HAPSTR1: variants seen among roughly 807,000 people sequenced by gnomAD.
HAPSTR1 encodes the protein HUWE1-associated protein modifying stress responses 1.
At chr16:9,116,637 G>A in the HAPSTR1 span, 2 of 1,600,672 alleles carry the variant, frequency 1.2e-6, no homozygotes, top group Admixed American at 1.7e-5. Flanking sequence ...ACATAATTGA[G>A]CAACTCTAAA....
the HAPSTR1 span, chr16:9,104,085 G>A: frequency 6.6e-6 from 1 of 151,588 alleles, no homozygotes; most frequent in African/African-American, 2.4e-5. Context: ...TAAGCAGGTA[G>A]AAGTAATTAG....
chr16:9,113,418 T>G, the HAPSTR1 span, among the ~76,000 whole-genome samples: 1 of 152,194 alleles, frequency 6.6e-6, no homozygotes, highest in Non-Finnish European at 1.5e-5. Flanking sequence ...CACATCTTCT[T>G]TTTCATGGAG....
chr16:9,092,781 C>T, the HAPSTR1 span: 15 of 913,266 alleles, frequency 1.6e-5, no homozygotes, highest in South Asian at 3.5e-5. Context: ...ATCCCGAAAC[C>T]CCTGAACAAA....
the HAPSTR1 span, chr16:9,110,320 G>A: frequency 6.6e-6 from 1 of 152,128 alleles, no homozygotes; most frequent in African/African-American, 2.4e-5. Context: ...GGGGTATAAG[G>A]TTGGATAGGA....
chr16:9,113,862 A>G, the HAPSTR1 span, among the ~76,000 whole-genome samples: 1 of 152,230 alleles, frequency 6.6e-6, no homozygotes, highest in Non-Finnish European at 1.5e-5. Flanking sequence ...CTTGATGGCA[A>G]TGATTTAAGT....
At chr16:9,111,593 C>A in the HAPSTR1 span, 1 of 152,126 alleles carries the variant, frequency 6.6e-6, no homozygotes, top group Non-Finnish European at 1.5e-5. Flanking sequence ...TTGTCTTGAA[C>A]CTGCGATAAA....
the HAPSTR1 span, among the ~76,000 whole-genome samples, chr16:9,101,639 T>A: frequency 6.6e-6 from 1 of 152,246 alleles, no homozygotes; most frequent in Non-Finnish European, 1.5e-5. Flanking sequence ...TGTCATCTGC[T>A]TAAGAGTAGG....
the HAPSTR1 span, chr16:9,104,177 C>T: frequency 5.4e-5 from 8 of 149,240 alleles, no homozygotes; most frequent in South Asian, 4.2e-4. Flanking sequence ...TGCATTGGCG[C>T]GATATTGGCT....
the HAPSTR1 span, among the ~76,000 whole-genome samples, chr16:9,099,550 A>G: frequency 6.6e-6 from 1 of 152,188 alleles, no homozygotes; most frequent in East Asian, 1.9e-4. Context: ...GGTTAGATTG[A>G]CATTTCAGTG....
At chr16:9,115,601 G>C in the HAPSTR1 span, among the ~76,000 whole-genome samples, 2 of 152,058 alleles carry the variant, frequency 1.3e-5, no homozygotes, top group Admixed American at 6.6e-5. Context: ...ATGAGTGCTG[G>C]GTATATTCTG....
chr16:9,110,553 T>G, the HAPSTR1 span: 10 of 152,222 alleles, frequency 6.6e-5, no homozygotes, highest in African/African-American at 2.4e-4. Context: ...CACATTTTTT[T>G]GAGAACAAAT....
chr16:9,110,875 TAA>T, the HAPSTR1 span: 1 of 152,228 alleles, frequency 6.6e-6, no homozygotes, highest in African/African-American at 2.4e-5. Context: ...CCGTCTCTAC[TAA>T]AAATACAAAA....
chr16:9,117,925 A>G, the HAPSTR1 span: 7 of 152,652 alleles, frequency 4.6e-5, no homozygotes, highest in Non-Finnish European at 1.0e-4. Context: ...ATTGCAACTT[A>G]AAATAGCAAA....
chr16:9,099,133 AT>A, the HAPSTR1 span, among the ~76,000 whole-genome samples: 2 of 87,988 alleles, frequency 2.3e-5, no homozygotes, highest in African/African-American at 8.2e-5. Context: ...ATATAAAAGC[AT>A]TTAAAGAAAA....
At chr16:9,092,070 A>G in the HAPSTR1 span, 1 of 1,534,446 alleles carries the variant, frequency 6.5e-7, no homozygotes, top group Non-Finnish European at 8.8e-7. Context: ...GAGGAGGGCG[A>G]GGCCGAGATC....
the HAPSTR1 span, chr16:9,116,594 A>G: frequency 3.2e-6 from 5 of 1,544,172 alleles, no homozygotes; most frequent in Non-Finnish European, 4.4e-6. Flanking sequence ...TTGTGACAAC[A>G]TGGAAAGTAA....
chr16:9,121,622 T>C, the HAPSTR1 span: 1 of 152,166 alleles, frequency 6.6e-6, no homozygotes, highest in African/African-American at 2.4e-5. Context: ...GAAAAATAAA[T>C]TAAAAAATGT....
the HAPSTR1 span, among the ~76,000 whole-genome samples, chr16:9,101,846 T>G: frequency 0.67 from 102,245 of 151,976 alleles, 35,712 homozygotes; most frequent in African/African-American, 0.87. Context: ...AAGCCGCCGG[T>G]TGCAGTGGCT....
At chr16:9,096,319 A>G in the HAPSTR1 span, among the ~76,000 whole-genome samples, 3 of 152,172 alleles carry the variant, frequency 2.0e-5, no homozygotes, top group African/African-American at 7.2e-5. Context: ...AAGGGAAGTA[A>G]TAATAGTTTA....
Sources: allele counts gnomAD v4.1 joint callset (sites outside exome capture counted in the v4.1 genomes callset), GRCh38; gene constraint gnomAD v4.1.1; transcripts MANE v1.5; gene names NCBI Gene and HGNC (gene_info 2026-07-23, HGNC 2026-07-21).